The following PLD1 variants were observed in gnomAD, a reference collection of about 807,000 sequenced individuals.
PLD1 encodes phospholipase D1, also known as choline phosphatase 1.
In PLD1, 112 loss-of-function variants were observed where a neutral mutation model predicts 137.1. That is an observed-to-expected ratio of 0.82 (90% CI 0.70 to 0.96). The LOEUF (loss-of-function observed/expected upper bound fraction) is 0.96, where lower values mean the gene tolerates loss of function less well. Ranked by LOEUF, PLD1 falls within the 40% of genes least tolerant of loss-of-function variation. The probability of loss-of-function intolerance (pLI) is 0.00; values close to 1 mark genes in which losing one functional copy is unlikely to be tolerated. For synonymous variants in PLD1, 431 were observed against 454.7 expected, an observed-to-expected ratio of 0.95 and a Z score of 0.66; for missense variants, 1,321 against 1,342.0, an observed-to-expected ratio of 0.98 and a Z score of 0.24.
In PLD1 at chr3:171,720,052, T is replaced by C. The variant is rs2108229147; in HGVS notation, c.758+4644A>G. Among the ~76,000 whole-genome samples, 3 of 152,222 alleles carry C rather than the reference T, an allele frequency of 2.0e-5. 1 individual carries two copies. The South Asian group carries it at 6.2e-4, about 32-fold the overall frequency. ...CCTCCCGCCTGTAATCCCAGCACTTTGGAAGGCCAAGGTGGGCAGATCACT... is the reference window on the plus strand; with the variant it reads ...CCTCCCGCCTGTAATCCCAGCACTTCGGAAGGCCAAGGTGGGCAGATCACT... On this transcript the variant is annotated intron_variant, in intron 8 of 26. Coordinates refer to ENST00000351298, the MANE Select transcript of PLD1 (RefSeq NM_002662.5).
chr3:171,802,267 A>C (rs1723679105), intron 1 of PLD1, among the ~76,000 whole-genome samples: 1 of 152,218 alleles, frequency 6.6e-6, no homozygotes, highest in Admixed American at 6.5e-5. Flanking sequence ...AGTAAGCAAG[A>C]AAAAGAGAAA....
At chr3:171,792,351 T>C (rs1343323042) in intron 1 of PLD1, 1 of 343,948 alleles carries the variant, frequency 2.9e-6, no homozygotes, top group South Asian at 2.2e-5. Flanking sequence ...TCCATCCTCT[T>C]ATCTATTCCA....
chr3:171,799,641 G>A (rs756461710), intron 1 of PLD1, among the ~76,000 whole-genome samples: 10 of 152,136 alleles, frequency 6.6e-5, no homozygotes, highest in Non-Finnish European at 7.4e-5. Context: ...GTACAGTGTG[G>A]AGAGGGAGGA....
chr3:171,741,052 T>C (rs1183578654), intron 1 of PLD1, among the ~76,000 whole-genome samples: 2 of 152,232 alleles, frequency 1.3e-5, no homozygotes, highest in Admixed American at 1.3e-4. Context: ...TGACAAGACA[T>C]GTCCTCTACT....
rs1469293469 is a variant in PLD1 at position 171,726,163 on chromosome 3, T to C, written c.607-87A>G. On this transcript the variant is annotated intron_variant, in intron 6 of 26. Transcript: ENST00000351298. ...AACATGTATTAGGTATAGCTGTGTG[T>C]ATATACTGTTTGGTGTGCTCCACAG... The C allele has an allele frequency of 1.9e-5, 16 of 844,982 alleles. No individual in the cohort carries two copies. The East Asian group carries it at 3.5e-4, about 18-fold the overall frequency. 52.3% of individuals were successfully genotyped at this position (844,982 alleles called of 1,614,324 possible).
In PLD1 at chr3:171,700,551, A is replaced by T. The variant is rs529016870; in HGVS notation, c.1146-725T>A. On this transcript the variant is annotated intron_variant, in intron 11 of 26. Transcript: ENST00000351298. The stretch of plus-strand genomic sequence containing the variant: ...ACTAAATCACTCTGCCAACCTCAGG[A>T]TTGCCCAACTTTAGACTTAACATTA... 3.3e-5 allele frequency among the ~76,000 whole-genome samples: 5 copies of T among 152,292 alleles called. No individual in the cohort carries two copies. In the South Asian group the frequency reaches 1.0e-3, roughly 32 times the overall value.
chr3:171,807,744 G>A (rs1460821004), intron 1 of PLD1, among the ~76,000 whole-genome samples: 3 of 152,106 alleles, frequency 2.0e-5, no homozygotes, highest in Non-Finnish European at 4.4e-5. Flanking sequence ...AAGAAAATAA[G>A]TTGTTCTACC....
At chr3:171,616,104 T>C (rs1256215396) in intron 24 of PLD1, among the ~76,000 whole-genome samples, 2 of 152,220 alleles carry the variant, frequency 1.3e-5, no homozygotes, top group African/African-American at 2.4e-5. Flanking sequence ...CTTATGAGGC[T>C]TGGGTATGTT....
At chr3:171,685,130 CT>C (rs1030507980) in intron 16 of PLD1, among the ~76,000 whole-genome samples, 1 of 152,002 alleles carries the variant, frequency 6.6e-6, no homozygotes, top group Non-Finnish European at 1.5e-5. Flanking sequence ...TTTTTTGCAA[CT>C]TTTTTTAGCT....
chr3:171,707,081 C>T (rs556813994), intron 11 of PLD1, among the ~76,000 whole-genome samples: 1 of 152,172 alleles, frequency 6.6e-6, no homozygotes, highest in Non-Finnish European at 1.5e-5. Context: ...AAACCGAATA[C>T]TACATGTTCT....
rs765062417 is a variant in PLD1, at chr3:171,644,958, G to T, written c.2495C>A (p.Ser832Ter). The change falls in exon 22 of 27, where the codon TCA (serine) becomes TAA (stop). Residue 832 changes from serine (S) to a stop codon, truncating the protein, a stop_gained. Transcript: ENST00000351298. LOFTEE classifies it high-confidence loss of function. ...CTGTAGAGCATTTCCTCCGCCGGTT[G>T]AAATGTCTCCTTCGAACCCTGGCAG... ...PLLPGFEGDISTGGGNALQAI... is the reference protein window; with the variant it reads ...PLLPGFEGDI The T allele has an allele frequency of 6.2e-7, 1 of 1,613,928 alleles. No homozygotes were observed. The highest frequency in any genetic ancestry group is 2.2e-5 in the East Asian group (1 of 44,882).
chr3:171,689,151 C>T lies in PLD1; in HGVS notation c.1339-275G>A, dbSNP rs534914104. 2.2e-4 allele frequency among the ~76,000 whole-genome samples: 33 copies of T among 151,922 alleles called. 1 individual carries two copies. The South Asian group carries it at 6.2e-3, about 29-fold the overall frequency. On this transcript the variant is annotated intron_variant, in intron 13 of 26. Transcript: ENST00000351298. ...TGAGGTCTGGCAATACATTAGAAAA[C>T]AGTCAGCTCAATTTGAAAGCTGGTT...
At chr3:171,683,042 G>A (rs1714171469) in intron 16 of PLD1, among the ~76,000 whole-genome samples, 1 of 152,162 alleles carries the variant, frequency 6.6e-6, no homozygotes, top group Non-Finnish European at 1.5e-5. Flanking sequence ...TTTGTCAGCT[G>A]CCTTCACGAA....
chr3:171,742,865 CAT>C (rs1325629034), intron 1 of PLD1, among the ~76,000 whole-genome samples: 1 of 152,088 alleles, frequency 6.6e-6, no homozygotes, highest in Non-Finnish European at 1.5e-5. Flanking sequence ...ATGATATTAA[CAT>C]ATTTTACATT....
chr3:171,752,408 A>AT lies in PLD1; in HGVS notation c.-31-14327dup, dbSNP rs1318399471. 1.1e-4 allele frequency among the ~76,000 whole-genome samples: 17 copies of AT among 152,262 alleles called. No homozygotes were observed. In the East Asian group the frequency reaches 2.7e-3, roughly 24 times the overall value. On this transcript the variant is annotated intron_variant, in intron 1 of 26. Transcript: ENST00000351298. ...GTGGTCTCTATCATACAAATCTGAC[A>AT]TTTTTTCTGGCTAAACCGAAGTTAT...
At position 171,664,719 on chromosome 3, in the gene PLD1, A is replaced by G. The variant is rs1711910289; in HGVS notation, c.2230-2549T>C. Among the ~76,000 whole-genome samples the G allele has an allele frequency of 2.0e-5, 3 of 152,238 alleles. No homozygotes were observed. The South Asian group carries it at 6.2e-4, about 32-fold the overall frequency. ...AGTGATCCACCTGTCTCAGCCTCCC[A>G]AAGTGCTGGGATTACAGGCGTGAGC... On this transcript the variant is annotated intron_variant, in intron 19 of 26. Transcript: ENST00000351298.
chr3:171,774,469 G>T (rs530596863), intron 1 of PLD1, among the ~76,000 whole-genome samples: 9 of 152,182 alleles, frequency 5.9e-5, no homozygotes, highest in Non-Finnish European at 1.2e-4. Flanking sequence ...ATGCTGTGAG[G>T]AAGGCAGAGT....
chr3:171,642,291 C>T (rs1735821412), intron 23 of PLD1, among the ~76,000 whole-genome samples: 1 of 151,494 alleles, frequency 6.6e-6, no homozygotes, highest in African/African-American at 2.4e-5. Flanking sequence ...CTCGTCTCTA[C>T]TAAAAATACA....
intron 21 of PLD1, among the ~76,000 whole-genome samples, chr3:171,649,159 A>AT (rs1259377433): frequency 6.6e-6 from 1 of 152,102 alleles, no homozygotes; most frequent in Non-Finnish European, 1.5e-5. Flanking sequence ...CATATGTATG[A>AT]TATTGAGAAA....
Sources: gnomAD v4.1 joint callset for allele counts (sites outside exome capture counted in the v4.1 genomes callset) on GRCh38, gnomAD v4.1.1 for gene constraint, MANE v1.5 for transcripts, NCBI Gene and HGNC (gene_info 2026-07-23, HGNC 2026-07-21) for gene names.